The following RBM38 variants were observed in gnomAD, a reference collection of about 807,000 sequenced individuals.
RBM38 encodes the protein RNA binding motif protein 38.
RBM38 carries 11 observed loss-of-function variants against 23.5 expected under a neutral mutation model. That is an observed-to-expected ratio of 0.47 (90% CI 0.29 to 0.77). The LOEUF is 0.77. Among genes scored for constraint, RBM38 ranks in the 30% least tolerant of loss-of-function variants. The pLI, the probability that RBM38 is intolerant of heterozygous loss-of-function variation, is 0.08. For synonymous variants in RBM38, 165 were observed against 166.1 expected, an observed-to-expected ratio of 0.99 and a Z score of 0.05; for missense variants, 330 against 351.9, an observed-to-expected ratio of 0.94 and a Z score of 0.50.
Position 57,405,783 on chromosome 20 carries a change from A to G in RBM38, c.417-1760A>G, listed in dbSNP as rs373286363. Among the ~76,000 whole-genome samples the G allele has an allele frequency of 9.2e-5, 14 of 151,982 alleles. No homozygotes were observed. In the South Asian group the frequency reaches 2.9e-3, roughly 32 times the overall value. On this transcript the variant is annotated intron_variant, in intron 3 of 3. Coordinates refer to ENST00000356208, the MANE Select transcript of RBM38 (RefSeq NM_017495.6). The stretch of plus-strand genomic sequence containing the variant: ...AGGGAGCTCGCAGGGCTCCTCTCTG[A>G]CCCTGAGGGTCCCTGGCTCTGGGGA...
rs375966891 is a variant in RBM38, at chr20:57,407,516, C to T, written c.417-27C>T. ...CTGTATTCCCCAACTCCGTTCTGGC[C>T]CTAACCTGCTCTGCTTGGCCCCACA... is the stretch of plus-strand genomic sequence containing the variant. On this transcript the variant is annotated intron_variant, in intron 3 of 3. Transcript: ENST00000356208. This position sits in a 1 kb window ranked among gnomAD's most constrained non-coding sequence, Gnocchi z 4.0. The T allele has an allele frequency of 3.5e-5, 57 of 1,608,698 alleles. No individual in the cohort carries two copies. Among genetic ancestry groups the T allele is most frequent in the Non-Finnish European group, 4.8e-5 (57 of 1,176,364 alleles).
At chr20:57,405,053 G>T (rs1287992995) in intron 3 of RBM38, among the ~76,000 whole-genome samples, 3 of 152,210 alleles carry the variant, frequency 2.0e-5, no homozygotes, top group Non-Finnish European at 4.4e-5. Flanking sequence ...CTCCGCCCTT[G>T]TGCCGCCATG....
chr20:57,400,010 G>A (rs2067311693), intron 3 of RBM38: 1 of 456,082 alleles, frequency 2.2e-6, no homozygotes, highest in African/African-American at 2.0e-5. Flanking sequence ...AGTGTGGGCA[G>A]CATGTGTCCC....
At position 57,407,754 on chromosome 20, in the gene RBM38, G is replaced by T. The variant is rs771577545; in HGVS notation, c.628G>T (p.Ala210Ser). ...CTTCGTGGGCTACAGCTACCCTGCC[G>T]CCGTGCCCCAGGCCCTCTCAGCCGC... ...ASFVGYSYPAAVPQALSAAAP... is the reference protein window; with the variant it reads ...ASFVGYSYPASVPQALSAAAP... The change falls in exon 4 of 4, where the codon GCC (alanine) becomes TCC (serine). Residue 210 changes from alanine (A) to serine (S), a missense_variant. Around this residue, in one of 3 missense-constraint regions of RBM38, gnomAD observed 227 missense variants for 216.4 expected, o/e 1.05. Transcript: ENST00000356208. This position sits in a 1 kb window ranked among gnomAD's most constrained non-coding sequence, Gnocchi z 4.0. 8.1e-6 allele frequency: 13 copies of T among 1,610,322 alleles called. No homozygotes were observed. Among genetic ancestry groups the T allele is most frequent in the Non-Finnish European group, 1.0e-5 (12 of 1,179,324 alleles).
rs1453727194 is a variant in RBM38, at chr20:57,408,728, C to A, written c.*882C>A. On this transcript the variant is annotated 3_prime_UTR_variant, in exon 4 of 4. Coordinates refer to ENST00000356208, the MANE Select transcript of RBM38 (RefSeq NM_017495.6). ...ACCACAGACAGGAGGCCCCTCAGGC[C>A]CGTGCGGGCCACTGTCTGCTGCCGC... 6.6e-6 allele frequency: 1 copy of A among 152,184 alleles called. No homozygotes were observed. The highest frequency in any genetic ancestry group is 1.5e-5 in the Non-Finnish European group (1 of 68,044). 9.4% of individuals were successfully genotyped at this position (152,184 alleles called of 1,614,324 possible). A position where few individuals can be genotyped will look rare whatever the true frequency, so the allele number is the denominator to read the frequency against.
chr20:57,395,628 C>G (rs1184331007), intron 3 of RBM38, among the ~76,000 whole-genome samples: 1 of 151,480 alleles, frequency 6.6e-6, no homozygotes, highest in Non-Finnish European at 1.5e-5. Context: ...CTCTGAGAAT[C>G]GCGCCGCCTC....
At chr20:57,397,856 G>C (rs1450002540) in intron 3 of RBM38, among the ~76,000 whole-genome samples, 4 of 152,238 alleles carry the variant, frequency 2.6e-5, no homozygotes, top group South Asian at 2.1e-4. Flanking sequence ...GGGCCCACAT[G>C]GTGATGCGTG....
At chr20:57,400,884 C>G (rs1186525029) in intron 3 of RBM38, among the ~76,000 whole-genome samples, 1 of 152,172 alleles carries the variant, frequency 6.6e-6, no homozygotes, top group Non-Finnish European at 1.5e-5. Flanking sequence ...TTTGAGGTTA[C>G]AGCTGGGCTG....
At chr20:57,399,971 C>T (rs1177557602) in intron 3 of RBM38, 12 of 456,164 alleles carry the variant, frequency 2.6e-5, no homozygotes, top group Non-Finnish European at 4.4e-6. Context: ...GGGCCGTGGT[C>T]AGTTCTTTTC....
intron 3 of RBM38, among the ~76,000 whole-genome samples, chr20:57,397,927 C>G (rs187583230): frequency 1.3e-5 from 2 of 152,272 alleles, no homozygotes; most frequent in African/African-American, 2.4e-5. Context: ...TTCCGCGTCT[C>G]GAGTACAGTG....
intron 3 of RBM38, among the ~76,000 whole-genome samples, chr20:57,401,933 A>G (rs1327318742): frequency 6.6e-6 from 1 of 152,094 alleles, no homozygotes; most frequent in East Asian, 1.9e-4. Context: ...TCTGGAGGTG[A>G]TGGGGTGTTG....
intron 3 of RBM38, among the ~76,000 whole-genome samples, chr20:57,393,915 C>A (rs2067246788): frequency 6.6e-6 from 1 of 152,096 alleles, no homozygotes; most frequent in Admixed American, 6.5e-5. Context: ...GCCCACTCTT[C>A]TCCATCCTAA....
chr20:57,406,943 G>A (rs2067390900), intron 3 of RBM38, among the ~76,000 whole-genome samples: 1 of 150,308 alleles, frequency 6.7e-6, no homozygotes, highest in African/African-American at 2.5e-5. Context: ...GCAGTGAGCG[G>A]AGATCCCGCC....
At chr20:57,406,267 G>A (rs1325523707) in intron 3 of RBM38, among the ~76,000 whole-genome samples, 1 of 152,214 alleles carries the variant, frequency 6.6e-6, no homozygotes, top group Non-Finnish European at 1.5e-5. Flanking sequence ...CGCCAGGAGA[G>A]CTGCCTCCCT....
chr20:57,404,009 G>T lies in RBM38; in HGVS notation c.417-3534G>T, dbSNP rs566549957. Among the ~76,000 whole-genome samples the T allele has an allele frequency of 5.3e-5, 8 of 152,340 alleles. No homozygotes were observed. The East Asian group carries it at 1.3e-3, about 26-fold the overall frequency. On this transcript the variant is annotated intron_variant, in intron 3 of 3. Transcript: ENST00000356208. ...ATACCGACATGCAGTGTCTGCAAGG[G>T]TCAGGAAACAGGAGAGCCCCGCCTT... is the stretch of plus-strand genomic sequence containing the variant.
At chr20:57,392,441 C>T (rs930632342) in intron 1 of RBM38, 3 of 1,530,984 alleles carry the variant, frequency 2.0e-6, no homozygotes, top group African/African-American at 2.7e-5. Flanking sequence ...AGGCCTTGAA[C>T]TTTGACGGGA....
chr20:57,402,041 G>A (rs894610838), intron 3 of RBM38, among the ~76,000 whole-genome samples: 2 of 152,130 alleles, frequency 1.3e-5, no homozygotes, highest in Admixed American at 6.5e-5. Flanking sequence ...TCCGCCTCCC[G>A]GGTTCAAGCC....
chr20:57,398,565 G>A (rs1431583015), intron 3 of RBM38, among the ~76,000 whole-genome samples: 1 of 152,150 alleles, frequency 6.6e-6, no homozygotes, highest in Non-Finnish European at 1.5e-5. Flanking sequence ...CCCCCCACAA[G>A]GCTTCCTGTT....
intron 3 of RBM38, among the ~76,000 whole-genome samples, chr20:57,399,602 C>T (rs1197080854): frequency 6.6e-6 from 1 of 152,194 alleles, no homozygotes; most frequent in Non-Finnish European, 1.5e-5. Flanking sequence ...GGAGTTTGGG[C>T]CGGTTCAGGT....
Sources: allele counts gnomAD v4.1 joint callset (sites outside exome capture counted in the v4.1 genomes callset), GRCh38; gene constraint gnomAD v4.1.1; regional missense constraint gnomAD v4.1.1; non-coding constraint Gnocchi (gnomAD v3.1); transcripts MANE v1.5; gene names NCBI Gene and HGNC (gene_info 2026-07-23, HGNC 2026-07-21).